The following ADAMTSL1 variants were observed in gnomAD, a reference collection of about 807,000 sequenced individuals.
ADAMTSL1 encodes the protein ADAMTS-like protein 1.
A neutral mutation model predicts 201.8 loss-of-function variants in ADAMTSL1; 126 were observed. The ratio of observed to expected loss-of-function variants is 0.62; its 90% CI spans 0.54 to 0.72. ADAMTSL1 has a LOEUF of 0.72. Among genes scored for constraint, ADAMTSL1 ranks in the 30% least tolerant of loss-of-function variants. The pLI is 0.00. For missense variants in ADAMTSL1, 2,679 were observed against 2,277.8 expected (o/e 1.18, Z -3.59); for synonymous variants, 1,121 against 903.4 (o/e 1.24, Z -4.32).
rs531753159 is a variant in ADAMTSL1, at chr9:18,006,215, A to C, written c.87+99293A>C. On this transcript the variant is annotated intron_variant, in intron 1 of 29. Transcript: ENST00000680146. ...GAGATGTGCTAGAGCAGTCCATTGT[A>C]TAATATTTTACACTAGAGGTTAATA... 3.3e-5 allele frequency among the ~76,000 whole-genome samples: 5 copies of C among 152,166 alleles called. No individual in the cohort carries two copies. The South Asian group carries it at 1.0e-3, about 32-fold the overall frequency.
intron 2 of ADAMTSL1, among the ~76,000 whole-genome samples, chr9:18,184,911 T>C (rs998231271): frequency 6.6e-6 from 1 of 152,136 alleles, no homozygotes; most frequent in Admixed American, 6.6e-5. Flanking sequence ...GGCCCTTTGG[T>C]CTCCTGTTTT....
intron 4 of ADAMTSL1, among the ~76,000 whole-genome samples, chr9:18,603,707 G>A (rs62548417): frequency 1.3e-5 from 2 of 151,904 alleles, no homozygotes; most frequent in Non-Finnish European, 2.9e-5. Flanking sequence ...TTTTATTATA[G>A]TAAAATGTAA....
At chr9:18,588,902 T>TATATAC (rs1177277949) in intron 4 of ADAMTSL1, among the ~76,000 whole-genome samples, 2 of 116,750 alleles carry the variant, frequency 1.7e-5, no homozygotes, top group African/African-American at 6.0e-5. Flanking sequence ...TATATATATA[T>TATATAC]ACATATATAT....
chr9:18,647,113 C>G (rs1241711920), intron 7 of ADAMTSL1, among the ~76,000 whole-genome samples: 2 of 143,844 alleles, frequency 1.4e-5, no homozygotes, highest in Non-Finnish European at 3.0e-5. Flanking sequence ...CTGGTTTAGT[C>G]TTGGAGAGTG....
At chr9:18,859,000 C>G (rs1431517265) in intron 23 of ADAMTSL1, among the ~76,000 whole-genome samples, 1 of 151,502 alleles carries the variant, frequency 6.6e-6, no homozygotes, top group East Asian at 1.9e-4. Context: ...TCGGTCTTAC[C>G]AATAATTAAA....
At chr9:18,705,484 T>TA (rs1469991475) in intron 13 of ADAMTSL1, among the ~76,000 whole-genome samples, 2 of 152,166 alleles carry the variant, frequency 1.3e-5, no homozygotes, top group Admixed American at 1.3e-4. Flanking sequence ...GGTATTTTTC[T>TA]ACGTTCTAGA....
In ADAMTSL1 at chr9:18,419,256, C is replaced by G. The variant is rs1818830546; in HGVS notation, c.208-85573C>G. 2.0e-5 allele frequency among the ~76,000 whole-genome samples: 3 copies of G among 152,146 alleles called. No individual in the cohort carries two copies. The South Asian group carries it at 6.2e-4, about 32-fold the overall frequency. On this transcript the variant is annotated intron_variant, in intron 2 of 29. Transcript: ENST00000680146. ...AACTATAAAACTTTTCAAAGAAAAC[C>G]TAGGAGAAAAATCTTTGTGACCTAG...
At chr9:18,888,542 G>A (rs183933172) in intron 24 of ADAMTSL1, among the ~76,000 whole-genome samples, 25 of 152,330 alleles carry the variant, frequency 1.6e-4, no homozygotes, top group East Asian at 7.7e-4. Context: ...AACAGACTGC[G>A]AAGCCCACAT....
chr9:18,028,836 A>G (rs915263086), intron 1 of ADAMTSL1, among the ~76,000 whole-genome samples: 4 of 152,166 alleles, frequency 2.6e-5, no homozygotes, highest in Admixed American at 2.0e-4. Flanking sequence ...CACTGAATCT[A>G]TAAATTACCT....
At chr9:18,270,527 G>T (rs1447129484) in intron 2 of ADAMTSL1, among the ~76,000 whole-genome samples, 1 of 152,184 alleles carries the variant, frequency 6.6e-6, no homozygotes, top group Non-Finnish European at 1.5e-5. Context: ...TAATTGAATG[G>T]AATGAATGCT....
chr9:18,481,730 G>C (rs1186688661), intron 1 of ADAMTSL1, among the ~76,000 whole-genome samples: 1 of 152,080 alleles, frequency 6.6e-6, no homozygotes, highest in Non-Finnish European at 1.5e-5. Context: ...ATTTGACTCT[G>C]AACATGAAAA....
chr9:18,812,731 G>T (rs940881769), intron 20 of ADAMTSL1, among the ~76,000 whole-genome samples: 1 of 152,064 alleles, frequency 6.6e-6, no homozygotes, highest in Non-Finnish European at 1.5e-5. Flanking sequence ...AGAACTAGGG[G>T]TCTAGCTTCA....
chr9:18,071,257 T>A (rs1418414353), intron 1 of ADAMTSL1, among the ~76,000 whole-genome samples: 1 of 152,178 alleles, frequency 6.6e-6, no homozygotes, highest in Non-Finnish European at 1.5e-5. Context: ...TCAGATGTTT[T>A]TGGTTCAAAA....
intron 1 of ADAMTSL1, among the ~76,000 whole-genome samples, chr9:18,497,083 T>G (rs549131724): frequency 2.6e-5 from 4 of 152,158 alleles, no homozygotes; most frequent in Non-Finnish European, 5.9e-5. Context: ...CCACTGGAGA[T>G]TGGTTTTCTA....
At position 18,722,357 on chromosome 9, in the gene ADAMTSL1, G is replaced by A. The variant is rs1276501956; in HGVS notation, c.2006+692G>A. On this transcript the variant is annotated intron_variant, in intron 15 of 28. Coordinates refer to ENST00000380548, the MANE Select transcript of ADAMTSL1 (RefSeq NM_001040272.6). ...TCATCTATGGGTTTGGAAGGGAGAC[G>A]TTTAAGAACTAAATCCAGACTTTCA... Among the ~76,000 whole-genome samples the A allele has an allele frequency of 3.3e-5, 5 of 152,142 alleles. No individual in the cohort carries two copies. The East Asian group carries it at 5.8e-4, about 18-fold the overall frequency.
chr9:18,908,118 A>C (rs1830417456), intron 28 of ADAMTSL1: 2 of 364,300 alleles, frequency 5.5e-6, no homozygotes, highest in Non-Finnish European at 1.0e-5. Flanking sequence ...ATCACCTAGG[A>C]GATGAGGTAA....
chr9:18,685,255 G>C (rs1830758551), intron 13 of ADAMTSL1, among the ~76,000 whole-genome samples: 2 of 152,192 alleles, frequency 1.3e-5, no homozygotes, highest in East Asian at 1.9e-4. Flanking sequence ...CTTTCTTCCT[G>C]GGATTGGTAT....
chr9:18,330,888 G>T (rs1001656494), intron 2 of ADAMTSL1, among the ~76,000 whole-genome samples: 5 of 152,118 alleles, frequency 3.3e-5, no homozygotes, highest in African/African-American at 1.2e-4. Context: ...TACATGCCAG[G>T]GACTGTCCCA....
At chr9:18,831,833 T>C (rs1464568940) in intron 23 of ADAMTSL1, among the ~76,000 whole-genome samples, 9 of 152,054 alleles carry the variant, frequency 5.9e-5, no homozygotes, top group Non-Finnish European at 1.3e-4. Flanking sequence ...TCACATGGAA[T>C]TGTGGAGATG....
Sources: gnomAD v4.1 joint callset for allele counts (sites outside exome capture counted in the v4.1 genomes callset) on GRCh38, gnomAD v4.1.1 for gene constraint, MANE v1.5 for transcripts, NCBI Gene and HGNC (gene_info 2026-07-23, HGNC 2026-07-21) for gene names.